Variants in KTN1 observed in about 807,000 individuals in gnomAD.
The protein encoded by KTN1 is kinectin.
A neutral mutation model predicts 222.5 loss-of-function variants in KTN1; 130 were observed. The observed-to-expected ratio is 0.58, with a 90% CI of 0.51 to 0.68. The LOEUF (loss-of-function observed/expected upper bound fraction) is 0.68. Ranked by LOEUF, KTN1 falls within the 30% of genes least tolerant of loss-of-function variation. The probability of loss-of-function intolerance (pLI) is 0.00; values close to 1 mark genes in which losing one functional copy is unlikely to be tolerated. For synonymous variants in KTN1, 512 were observed against 496.3 expected, an observed-to-expected ratio of 1.03 and a Z score of -0.42; for missense variants, 1,508 against 1,500.4, an observed-to-expected ratio of 1.01 and a Z score of -0.08.
Position 55,580,280 on chromosome 14 carries a change from G to GCCT in KTN1, c.-103_-101dup, listed in dbSNP as rs1360641623. 137 of 156,482 alleles carry GCCT rather than the reference G, an allele frequency of 8.8e-4. No homozygotes were observed. Among genetic ancestry groups the GCCT allele is most frequent in the Admixed American group, 1.4e-3 (21 of 14,960 alleles). The allele number at this position is 156,482 out of a possible 1,614,324, so 9.7% of individuals were successfully genotyped here. ...CGGCGGCGGCGGCGGCGGCGGCGGC[G>GCCT]CCTCGGAGCGGGCGGCCCGGGCTGT... On this transcript the variant is annotated 5_prime_UTR_variant, in exon 1 of 44. Transcript: ENST00000395314.
chr14:55,644,243 T>C (rs1331363183), intron 18 of KTN1: 6 of 509,872 alleles, frequency 1.2e-5, no homozygotes, highest in Non-Finnish European at 1.8e-5. Flanking sequence ...CCACTTTTCT[T>C]TAACCCCTTT....
chr14:55,605,023 A>G (rs768842584), intron 1 of KTN1, among the ~76,000 whole-genome samples: 53 of 152,252 alleles, frequency 3.5e-4, no homozygotes, highest in Non-Finnish European at 6.8e-4. Flanking sequence ...GAACTCCCAG[A>G]TAGGAACCTA....
intron 5 of KTN1, among the ~76,000 whole-genome samples, chr14:55,625,349 A>G (rs932739538): frequency 2.0e-5 from 3 of 152,206 alleles, no homozygotes; most frequent in African/African-American, 7.2e-5. Flanking sequence ...TGACCTTTAA[A>G]TATACTTGCT....
chr14:55,667,419 A>G (rs564806122), intron 34 of KTN1, 89 bp downstream of exon 34: 11 of 659,256 alleles, frequency 1.7e-5, no homozygotes, highest in Non-Finnish European at 2.8e-5. Context: ...ACTTGGTTTC[A>G]GTAGAGTGCT....
chr14:55,616,861 AG>A (rs1268760882), intron 3 of KTN1, among the ~76,000 whole-genome samples: 8 of 152,200 alleles, frequency 5.3e-5, no homozygotes, highest in African/African-American at 1.9e-4. Flanking sequence ...GAGATGAAAA[AG>A]TTTATATACC....
At chr14:55,652,807 C>T in intron 25 of KTN1, 43 bp from the exon 26 acceptor site, 29 of 1,401,916 alleles carry the variant, frequency 2.1e-5, no homozygotes, top group Non-Finnish European at 2.6e-5. Context: ...TTTTTATGGT[C>T]ATGTAACATT....
intron 1 of KTN1, among the ~76,000 whole-genome samples, chr14:55,608,612 T>TA (rs2037086612): frequency 6.6e-6 from 1 of 151,994 alleles, no homozygotes; most frequent in South Asian, 2.1e-4. Context: ...TTTTATGTAA[T>TA]ATTGCTGTGA....
chr14:55,656,745 G>A lies in KTN1; in HGVS notation c.2892+613G>A, dbSNP rs148501813. Reference sequence around the variant, plus strand: ...GCCTCCCAAAGTGCTGAGATTATAGGTGTGAGCCACCGCAGCCAGCATATA... The same window carrying A: ...GCCTCCCAAAGTGCTGAGATTATAGATGTGAGCCACCGCAGCCAGCATATA... On this transcript the variant is annotated intron_variant, in intron 29 of 43. Coordinates refer to ENST00000395314, the MANE Select transcript of KTN1 (RefSeq NM_001079521.2). 4.3e-3 allele frequency among the ~76,000 whole-genome samples: 658 copies of A among 152,212 alleles called. 3 individuals are homozygous for A. The highest frequency in any genetic ancestry group is 0.017 in the Middle Eastern group (5 of 294).
intron 25 of KTN1, among the ~76,000 whole-genome samples, chr14:55,652,638 A>T (rs982825676): frequency 6.6e-6 from 1 of 152,080 alleles, no homozygotes; most frequent in Non-Finnish European, 1.5e-5. Flanking sequence ...TGACCTTGTG[A>T]TCCGCCCGCC....
chr14:55,657,397 G>GGTTTTTTTTT (rs1491317155), intron 29 of KTN1, among the ~76,000 whole-genome samples: 144 of 137,640 alleles, frequency 1.0e-3, no homozygotes, highest in African/African-American at 3.8e-3. Flanking sequence ...CTGAGTTGAC[G>GGTTTTTTTTT]TTTTTTTTTT....
chr14:55,684,132 T>C lies in KTN1; in HGVS notation c.*29T>C, dbSNP rs766150012. ...AATTGGGAAACTGTTCATTTGAGGA[T>C]AAAAAAGGCATTGTATTATATTTTG... On this transcript the variant is annotated 3_prime_UTR_variant, in exon 44 of 44. Coordinates refer to ENST00000395314, the MANE Select transcript of KTN1 (RefSeq NM_001079521.2). The C allele has an allele frequency of 6.3e-7, 1 of 1,580,088 alleles. No individual in the cohort carries two copies. The highest frequency in any genetic ancestry group is 1.7e-5 in the Admixed American group (1 of 58,142).
chr14:55,639,868 A>G (rs761339301), intron 13 of KTN1, 45 bp from the exon 14 acceptor site: 1 of 1,201,312 alleles, frequency 8.3e-7, no homozygotes, highest in African/African-American at 1.5e-5. Context: ...TTGATTTGTG[A>G]CTTCTGAATG....
At chr14:55,659,502 A>G in intron 30 of KTN1, among the ~76,000 whole-genome samples, 164 bp from the exon 31 acceptor site, 1 of 152,154 alleles carries the variant, frequency 6.6e-6, no homozygotes. Context: ...AGATTTGTAC[A>G]TGTTTTTATT....
chr14:55,671,974 C>T (rs778246708), intron 37 of KTN1, 97 bp downstream of exon 37: 39 of 727,804 alleles, frequency 5.4e-5, no homozygotes, highest in Non-Finnish European at 8.5e-5. Flanking sequence ...GGCCCCAACC[C>T]AGCTACCAAA....
intron 40 of KTN1, chr14:55,675,108 C>G (rs1366593193): frequency 6.6e-6 from 1 of 152,108 alleles, no homozygotes; most frequent in Non-Finnish European, 1.5e-5. Flanking sequence ...AGAACTGTTT[C>G]AAAAGTGCCC....
intron 7 of KTN1, among the ~76,000 whole-genome samples, chr14:55,631,893 G>A (rs1027652914): frequency 6.6e-6 from 1 of 152,104 alleles, no homozygotes; most frequent in Non-Finnish European, 1.5e-5. Flanking sequence ...TAATAGGTTT[G>A]TCATTTTCAT....
intron 5 of KTN1, among the ~76,000 whole-genome samples, chr14:55,627,314 G>C (rs1227967075): frequency 6.6e-6 from 1 of 152,014 alleles, no homozygotes; most frequent in Admixed American, 6.6e-5. Context: ...AGATTTTTCT[G>C]AATATTTCAC....
At chr14:55,650,224 G>A in intron 22 of KTN1, 104 bp from the exon 23 acceptor site, 1 of 744,204 alleles carries the variant, frequency 1.3e-6, no homozygotes, top group South Asian at 1.9e-5. Flanking sequence ...TTTAAAATGG[G>A]AAAGGGTTGA....
chr14:55,611,617 A>G (rs1220624998), intron 1 of KTN1, among the ~76,000 whole-genome samples: 1 of 152,164 alleles, frequency 6.6e-6, no homozygotes, highest in Non-Finnish European at 1.5e-5. Flanking sequence ...ATGTCCATTG[A>G]GTTGGTAATA....
Sources: allele counts gnomAD v4.1 joint callset (sites outside exome capture counted in the v4.1 genomes callset), GRCh38; gene constraint gnomAD v4.1.1; transcripts MANE v1.5; gene names NCBI Gene and HGNC (gene_info 2026-07-23, HGNC 2026-07-21).